The following SDCCAG8 variants were observed in gnomAD, a reference collection of about 807,000 sequenced individuals.
The protein encoded by SDCCAG8 is serologically defined colon cancer antigen 8.
In SDCCAG8, 74 loss-of-function variants were observed where a neutral mutation model predicts 101.8. The observed-to-expected ratio is 0.73, with a 90% CI of 0.60 to 0.88. SDCCAG8 has a LOEUF of 0.88. Ranked by LOEUF, SDCCAG8 falls within the 40% of genes least tolerant of loss-of-function variation. The probability of loss-of-function intolerance (pLI) is 0.00; values close to 1 mark genes in which losing one functional copy is unlikely to be tolerated. For synonymous variants in SDCCAG8, 281 were observed against 292.9 expected, an observed-to-expected ratio of 0.96 and a Z score of 0.41; for missense variants, 787 against 822.6, an observed-to-expected ratio of 0.96 and a Z score of 0.53.
At chr1:243,417,941 T>C (rs752280104) in intron 14 of SDCCAG8, 27 bp from the exon 15 acceptor site, 1 of 1,496,586 alleles carries the variant, frequency 6.7e-7, no homozygotes, top group South Asian at 1.1e-5. Context: ...ACATCTTATG[T>C]TGGTGGGGGT....
At chr1:243,359,117 G>A (rs1270295243) in intron 12 of SDCCAG8, among the ~76,000 whole-genome samples, 1 of 152,184 alleles carries the variant, frequency 6.6e-6, no homozygotes, top group East Asian at 1.9e-4. Flanking sequence ...TAAGGAGGAG[G>A]AGTGTTAGCC....
chr1:243,344,358 G>C (rs948763712), intron 12 of SDCCAG8, 27 bp downstream of exon 12: 2 of 1,398,010 alleles, frequency 1.4e-6, no homozygotes, highest in South Asian at 2.3e-5. Context: ...CATAATTGCA[G>C]CAATTATAGA....
intron 16 of SDCCAG8, among the ~76,000 whole-genome samples, chr1:243,465,961 C>T (rs968588920): frequency 6.6e-6 from 1 of 152,188 alleles, no homozygotes; most frequent in African/African-American, 2.4e-5. Context: ...CTCATTTTTC[C>T]ATAGCCTATT....
intron 6 of SDCCAG8, among the ~76,000 whole-genome samples, chr1:243,298,889 T>A (rs1418332343): frequency 6.6e-6 from 1 of 152,246 alleles, no homozygotes; most frequent in Non-Finnish European, 1.5e-5. Flanking sequence ...CTTCCAACAT[T>A]GTTCTTTATC....
At chr1:243,336,646 G>T (rs901626861) in intron 10 of SDCCAG8, among the ~76,000 whole-genome samples, 4 of 152,070 alleles carry the variant, frequency 2.6e-5, no homozygotes. Context: ...GGGGGAAACT[G>T]CCCCGACGAT....
chr1:243,412,450 G>T (rs944458930), intron 13 of SDCCAG8, among the ~76,000 whole-genome samples: 2 of 152,158 alleles, frequency 1.3e-5, no homozygotes, highest in East Asian at 1.9e-4. Context: ...GTGTTGGGCC[G>T]CATTCAAAAC....
intron 12 of SDCCAG8, among the ~76,000 whole-genome samples, chr1:243,374,353 C>T (rs907287255): frequency 3.3e-5 from 5 of 151,822 alleles, no homozygotes; most frequent in African/African-American, 7.3e-5. Context: ...CTGAAAACTG[C>T]GCACAAGGAA....
chr1:243,394,504 G>A (rs1481832399), intron 13 of SDCCAG8, among the ~76,000 whole-genome samples: 3 of 152,072 alleles, frequency 2.0e-5, no homozygotes, highest in African/African-American at 4.8e-5. Flanking sequence ...AGGTAATTGA[G>A]GAAGGGGGTG....
chr1:243,471,077 G>C (rs1661174530), intron 16 of SDCCAG8, among the ~76,000 whole-genome samples: 1 of 152,142 alleles, frequency 6.6e-6, no homozygotes, highest in African/African-American at 2.4e-5. Context: ...GGGGGATGGA[G>C]GGAAGAAGAA....
chr1:243,290,101 T>A (rs369311627), intron 5 of SDCCAG8, among the ~76,000 whole-genome samples: 2 of 152,122 alleles, frequency 1.3e-5, no homozygotes, highest in East Asian at 3.9e-4. Flanking sequence ...CAACATTTTG[T>A]CATGTGTCCT....
chr1:243,339,421 A>C (rs2075252873), intron 10 of SDCCAG8, among the ~76,000 whole-genome samples: 1 of 152,174 alleles, frequency 6.6e-6, no homozygotes, highest in Non-Finnish European at 1.5e-5. Context: ...TGAACTCGAA[A>C]TTTTAAATTG....
intron 5 of SDCCAG8, among the ~76,000 whole-genome samples, chr1:243,292,499 A>G (rs2070374884): frequency 6.6e-6 from 1 of 152,166 alleles, no homozygotes; most frequent in Non-Finnish European, 1.5e-5. Flanking sequence ...CAGAGACCAC[A>G]TATATATTTG....
At chr1:243,342,754 A>C (rs2075451802) in intron 11 of SDCCAG8, among the ~76,000 whole-genome samples, 1 of 152,028 alleles carries the variant, frequency 6.6e-6, no homozygotes, top group Non-Finnish European at 1.5e-5. Flanking sequence ...AGTTTTTATA[A>C]ATTTATAATT....
chr1:243,382,459 T>A (rs982703167), intron 13 of SDCCAG8, among the ~76,000 whole-genome samples: 1 of 152,210 alleles, frequency 6.6e-6, no homozygotes, highest in African/African-American at 2.4e-5. Context: ...ACATAAAGAT[T>A]ATACATCTAT....
At chr1:243,401,819 CTTCTCCTTTGT>C (rs1313307695) in intron 13 of SDCCAG8, among the ~76,000 whole-genome samples, 1 of 151,784 alleles carries the variant, frequency 6.6e-6, no homozygotes, top group Admixed American at 6.6e-5. Context: ...TATCAGAATT[CTTCTCCTTTGT>C]TTCTCCTTTC....
intron 16 of SDCCAG8, among the ~76,000 whole-genome samples, chr1:243,431,855 A>G (rs73120315): frequency 1.2e-3 from 182 of 152,266 alleles, no homozygotes; most frequent in African/African-American, 4.0e-3. Flanking sequence ...TCAATTACAC[A>G]GTTTTACAGG....
intron 13 of SDCCAG8, among the ~76,000 whole-genome samples, chr1:243,403,990 T>G (rs2147981048): frequency 6.6e-6 from 1 of 152,330 alleles, no homozygotes; most frequent in South Asian, 2.1e-4. Context: ...GACCACTGAC[T>G]TAGGGCACAC....
In SDCCAG8 at chr1:243,485,613, C is replaced by A. The variant is rs548922443; in HGVS notation, c.1986-3401C>A. Among the ~76,000 whole-genome samples, 27 of 152,202 alleles carry A rather than the reference C, an allele frequency of 1.8e-4. 1 individual carries two copies. The highest frequency in any genetic ancestry group is 4.8e-4 in the African/African-American group (20 of 41,546). ...GGCTTTTCCAAAAATAAATAACTTT[C>A]AAAAAATCTCAGCCAGGCGCGGTGG... On this transcript the variant is annotated intron_variant, in intron 16 of 17. Transcript: ENST00000366541.
At chr1:243,307,236 G>A (rs924434270) in intron 7 of SDCCAG8, 2 of 243,146 alleles carry the variant, frequency 8.2e-6, no homozygotes, top group Non-Finnish European at 1.3e-5. Flanking sequence ...AGCTGATAAA[G>A]TAAAAACAAA....
Sources: gnomAD v4.1 joint callset for allele counts (sites outside exome capture counted in the v4.1 genomes callset) on GRCh38, gnomAD v4.1.1 for gene constraint, MANE v1.5 for transcripts, NCBI Gene and HGNC (gene_info 2026-07-23, HGNC 2026-07-21) for gene names.